EIF2A: variants seen among roughly 807,000 people sequenced by gnomAD.
EIF2A encodes 65 kDa eukaryotic translation initiation factor 2A.
EIF2A carries 62 observed loss-of-function variants against 75.2 expected under a neutral mutation model. The ratio of observed to expected loss-of-function variants is 0.82; its 90% CI spans 0.67 to 1.02. The LOEUF is 1.02. Among genes scored for constraint, EIF2A ranks in the 50% least tolerant of loss-of-function variants. The pLI is 0.00. For synonymous variants in EIF2A, 207 were observed against 239.0 expected (o/e 0.87, Z 1.23); for missense variants, 611 against 677.7 (o/e 0.90, Z 1.09).
intron 2 of EIF2A, among the ~76,000 whole-genome samples, chr3:150,555,265 A>AT (rs1559874900): frequency 1.3e-5 from 2 of 149,476 alleles, no homozygotes; most frequent in Admixed American, 6.7e-5. Context: ...TTATTTATTT[A>AT]TTTTTTTTGA....
At chr3:150,576,703 AAG>A (rs1216518309) in intron 11 of EIF2A, among the ~76,000 whole-genome samples, 1 of 152,216 alleles carries the variant, frequency 6.6e-6, no homozygotes, top group African/African-American at 2.4e-5. Flanking sequence ...TGTATTTACT[AAG>A]AGAAGCTGGA....
rs550695763 is a variant in EIF2A, at chr3:150,572,487, A to T, written c.1341A>T (p.Arg447Ser). 6.6e-5 allele frequency: 107 copies of T among 1,612,534 alleles called. No homozygotes were observed. The highest frequency in any genetic ancestry group is 1.3e-4 in the South Asian group (12 of 90,720). Residue 447 changes from arginine to serine, a missense_variant, in exon 10 of 14, where the codon AGA becomes AGT. Transcript: ENST00000460851. ...AACCTAAAGTTGCAACAGCTTATAG[A>T]CCCCCAGCTTTAAGAAATAAACCAA... ...NEEPKVATAY[R>S]PPALRNKPIT...
intron 2 of EIF2A, among the ~76,000 whole-genome samples, chr3:150,554,240 A>C: frequency 6.6e-6 from 1 of 151,764 alleles, no homozygotes; most frequent in East Asian, 1.9e-4. Flanking sequence ...GTTTAAACCT[A>C]ACTGGTCAGC....
chr3:150,559,389 G>T (rs1351907122), intron 3 of EIF2A, among the ~76,000 whole-genome samples: 1 of 151,724 alleles, frequency 6.6e-6, no homozygotes, highest in Non-Finnish European at 1.5e-5. Flanking sequence ...ATAGAGACAG[G>T]GTCTTGTTAT....
At chr3:150,571,522 C>T (rs982744614) in intron 9 of EIF2A, among the ~76,000 whole-genome samples, 1 of 152,074 alleles carries the variant, frequency 6.6e-6, no homozygotes, top group Admixed American at 6.6e-5. Context: ...CAGGAGGATC[C>T]CTTTAGCCCA....
chr3:150,559,208 G>A (rs1723721849), intron 3 of EIF2A, among the ~76,000 whole-genome samples: 2 of 152,124 alleles, frequency 1.3e-5, no homozygotes, highest in Admixed American at 6.5e-5. Context: ...CAATGGTAAT[G>A]TATTCAGAAG....
chr3:150,558,131 C>G (rs562203126), intron 2 of EIF2A, among the ~76,000 whole-genome samples: 38 of 152,348 alleles, frequency 2.5e-4, no homozygotes, highest in African/African-American at 8.4e-4. Flanking sequence ...GCCTACCACA[C>G]AAACTTATTC....
chr3:150,562,724 A>T, intron 4 of EIF2A, 64 bp downstream of exon 4: 1 of 1,096,266 alleles, frequency 9.1e-7, no homozygotes, highest in South Asian at 1.4e-5. Flanking sequence ...GGGGGGAAAA[A>T]GTTATAAAGT....
intron 11 of EIF2A, among the ~76,000 whole-genome samples, chr3:150,577,723 GA>G (rs1464271621): frequency 1.3e-5 from 2 of 152,024 alleles, no homozygotes; most frequent in African/African-American, 4.8e-5. Context: ...GCCCATCCTA[GA>G]AAGGGCAGAT....
Position 150,571,289 on chromosome 3 carries a change from G to A in EIF2A, c.812-669G>A, listed in dbSNP as rs183814174. Among the ~76,000 whole-genome samples the A allele has an allele frequency of 7.7e-4, 117 of 152,046 alleles. 2 individuals are homozygous for A. The highest frequency in any genetic ancestry group is 6.2e-3 in the Admixed American group (95 of 15,290). ...TGAGTAGCTGGGATTACAGGTGCAT[G>A]CCACTGTGCCCAACTAATTTTTCTA... On this transcript the variant is annotated intron_variant, in intron 9 of 13. Transcript: ENST00000460851.
chr3:150,583,760 G>T, intron 13 of EIF2A, 86 bp from the exon 14 acceptor site: 6 of 1,249,274 alleles, frequency 4.8e-6, no homozygotes, highest in Non-Finnish European at 2.3e-6. Flanking sequence ...ATAATAAATT[G>T]TCAGAAATAC....
At chr3:150,580,841 C>T (rs1576608461) in intron 11 of EIF2A, among the ~76,000 whole-genome samples, 1 of 152,228 alleles carries the variant, frequency 6.6e-6, no homozygotes, top group East Asian at 1.9e-4. Context: ...AGGTGGGGAG[C>T]GAATACACTG....
chr3:150,558,580 T>A, intron 3 of EIF2A, 118 bp downstream of exon 3: 2 of 862,532 alleles, frequency 2.3e-6, no homozygotes, highest in South Asian at 2.5e-5. Context: ...TGTCATGATG[T>A]AGTGAGATAT....
chr3:150,582,066 C>T (rs1391441361), intron 12 of EIF2A, among the ~76,000 whole-genome samples: 1 of 151,794 alleles, frequency 6.6e-6, no homozygotes. Flanking sequence ...AGTGCCACAA[C>T]CTTGGCTCAC....
chr3:150,562,658 C>T lies in EIF2A; in HGVS notation c.290C>T (p.Thr97Ile), dbSNP rs1132979. ...GTCCTGGCAACGTGGCAGCCTTACA[C>T]TAGTAAGTATTTTCTCAGTGTAAAA... is the stretch of plus-strand genomic sequence containing the variant. The part of the protein sequence containing the change: ...NTVLATWQPY[T>I]TSKDGTAGIP... Residue 97 changes from threonine (T) to isoleucine (I), a missense_variant and splice_region_variant, in exon 4 of 14, where the codon ACT becomes ATT. Physicochemically the swap from Thr to Ile is moderately conservative, Grantham distance 89 (BLOSUM62 -1). Coordinates refer to ENST00000460851, the MANE Select transcript of EIF2A (RefSeq NM_032025.5). The T allele has an allele frequency of 6.2e-7, 1 of 1,607,264 alleles. No individual in the cohort carries two copies. Among genetic ancestry groups the T allele is most frequent in the Admixed American group, 1.7e-5 (1 of 59,536 alleles).
intron 2 of EIF2A, among the ~76,000 whole-genome samples, chr3:150,555,269 T>A (rs1723503330): frequency 6.6e-6 from 1 of 151,378 alleles, no homozygotes; most frequent in Admixed American, 6.6e-5. Flanking sequence ...TTATTTATTT[T>A]TTTTGAGATG....
rs534361963 is a variant in EIF2A at position 150,559,492 on chromosome 3, C to G, written c.173+1030C>G. ...TGATTATAGGTGTTAGCCACTATGC[C>G]CAGCCCTTTTTTTTTTTTTTTTTTT... On this transcript the variant is annotated intron_variant, in intron 3 of 13. Transcript: ENST00000460851. 3.7e-4 allele frequency among the ~76,000 whole-genome samples: 53 copies of G among 141,454 alleles called. 1 individual carries two copies. The East Asian group carries it at 9.5e-3, about 25-fold the overall frequency. 92.8% of individuals were successfully genotyped at this position (141,454 alleles called of 152,430 possible).
At chr3:150,567,836 A>C (rs568653366) in intron 7 of EIF2A, 66 bp from the exon 8 acceptor site, 1 of 1,576,668 alleles carries the variant, frequency 6.3e-7, no homozygotes, top group East Asian at 2.2e-5. Flanking sequence ...GTGATTGTAA[A>C]AACATGTCCA....
At chr3:150,573,726 C>G (rs1384373922) in intron 10 of EIF2A, among the ~76,000 whole-genome samples, 1 of 151,830 alleles carries the variant, frequency 6.6e-6, no homozygotes, top group East Asian at 1.9e-4. Flanking sequence ...AAAATACTGT[C>G]AAGAAATTAC....
Sources: gnomAD v4.1 joint callset for allele counts (sites outside exome capture counted in the v4.1 genomes callset) on GRCh38, gnomAD v4.1.1 for gene constraint, MANE v1.5 for transcripts, NCBI Gene and HGNC (gene_info 2026-07-23, HGNC 2026-07-21) for gene names.